Variants in VRK2 observed in about 807,000 individuals in gnomAD.
VRK2 encodes serine/threonine-protein kinase VRK2.
A neutral mutation model predicts 57.6 loss-of-function variants in VRK2; 60 were observed. The ratio of observed to expected loss-of-function variants is 1.04; its 90% CI spans 0.85 to 1.29. The LOEUF is 1.29. VRK2 is among the 50% of genes most tolerant of loss of function. The probability of loss-of-function intolerance (pLI) is 0.00; values close to 1 mark genes in which losing one functional copy is unlikely to be tolerated. For missense variants in VRK2, 705 were observed against 588.1 expected (o/e 1.20, Z -2.06); for synonymous variants, 231 against 199.2 (o/e 1.16, Z -1.35).
intron 7 of VRK2, among the ~76,000 whole-genome samples, chr2:58,113,577 G>A (rs948065241): frequency 6.6e-6 from 1 of 152,132 alleles, no homozygotes; most frequent in African/African-American, 2.4e-5. Context: ...TAGGATTTGG[G>A]AAGGTAATGG....
chr2:58,037,328 C>T (rs1465088546), intron 3 of VRK2, among the ~76,000 whole-genome samples: 1 of 152,052 alleles, frequency 6.6e-6, no homozygotes, highest in African/African-American at 2.4e-5. Context: ...AACTCTTTAT[C>T]AAGTACTCAA....
intron 1 of VRK2, among the ~76,000 whole-genome samples, chr2:58,023,330 T>C (rs1054975969): frequency 6.6e-6 from 1 of 152,242 alleles, no homozygotes; most frequent in African/African-American, 2.4e-5. Flanking sequence ...CTGAGTGATA[T>C]TCCATTGTGT....
intron 2 of VRK2, among the ~76,000 whole-genome samples, chr2:58,074,401 A>G (rs1337326135): frequency 6.6e-6 from 1 of 151,776 alleles, no homozygotes; most frequent in Non-Finnish European, 1.5e-5. Flanking sequence ...TCTGTTTTTA[A>G]TTGAGCATTT....
At chr2:58,158,716 T>A (rs1684430937) in intron 12 of VRK2, among the ~76,000 whole-genome samples, 1 of 152,174 alleles carries the variant, frequency 6.6e-6, no homozygotes, top group South Asian at 2.1e-4. Flanking sequence ...ACAGGAATGA[T>A]GAAAACATAG....
chr2:58,098,862 C>T (rs180795210), intron 7 of VRK2, among the ~76,000 whole-genome samples: 20 of 152,148 alleles, frequency 1.3e-4, no homozygotes, highest in African/African-American at 4.3e-4. Context: ...TTGTGTTAGG[C>T]ATTATGTTGT....
At chr2:57,996,139 A>G (rs908089989) in intron 1 of VRK2, among the ~76,000 whole-genome samples, 5 of 152,362 alleles carry the variant, frequency 3.3e-5, no homozygotes, top group African/African-American at 1.2e-4. Context: ...CATTTTATAC[A>G]AGGGACTTAA....
intron 3 of VRK2, chr2:58,033,646 A>G (rs555452584): frequency 2.0e-5 from 3 of 152,222 alleles, no homozygotes; most frequent in East Asian, 1.9e-4. Context: ...CTTTAGTTTC[A>G]TAAGTAAAAA....
Position 57,987,227 on chromosome 2 carries a change from C to T in VRK2, c.-438-38438C>T, listed in dbSNP as rs149982892. On this transcript the variant is annotated intron_variant, in intron 1 of 15. Coordinates refer to the VRK2 transcript ENST00000417641. ...GTGCTTATAATAAAACAACAAACCA[C>T]AAACCAAGAAAAAAATCTATGCAAA... Among the ~76,000 whole-genome samples the T allele has an allele frequency of 2.9e-4, 44 of 152,056 alleles. No individual in the cohort carries two copies. The East Asian group carries it at 8.3e-3, about 29-fold the overall frequency.
At chr2:58,083,849 C>G (rs1246382450) in intron 2 of VRK2, among the ~76,000 whole-genome samples, 1 of 151,736 alleles carries the variant, frequency 6.6e-6, no homozygotes, top group Non-Finnish European at 1.5e-5. Context: ...TGATGTCAGG[C>G]AGATTTGAGT....
Position 58,089,651 on chromosome 2 carries a change from A to C in VRK2, c.471A>C (p.Ile157=). ...GIRMLDVLEY[I]HENEYVHGDI... is the part of the protein sequence containing the mutation. The stretch of plus-strand genomic sequence containing the variant: ...CACAGTTGGATGTACTGGAATATAT[A>C]CATGAAAATGAATATGTTCATGGTG... The change falls in exon 7 of 13, where the codon ATA becomes ATC. Residue 157 remains isoleucine, a synonymous_variant. Transcript: ENST00000340157. 1.9e-6 allele frequency: 3 copies of C among 1,603,000 alleles called. No homozygotes were observed. Among genetic ancestry groups the C allele is most frequent in the Non-Finnish European group, 2.6e-6 (3 of 1,172,902 alleles).
chr2:58,009,026 G>A (rs569587681), intron 1 of VRK2, among the ~76,000 whole-genome samples: 3 of 151,998 alleles, frequency 2.0e-5, no homozygotes, highest in Admixed American at 6.6e-5. Flanking sequence ...CCTTTAATAA[G>A]GGCAACTAAT....
intron 1 of VRK2, among the ~76,000 whole-genome samples, chr2:57,996,743 T>G (rs1466362408): frequency 1.3e-5 from 2 of 152,150 alleles, no homozygotes; most frequent in Non-Finnish European, 2.9e-5. Flanking sequence ...TTTGAAAGAT[T>G]CTAAGATGTA....
chr2:58,077,325 G>T (rs1444544467), intron 2 of VRK2, among the ~76,000 whole-genome samples: 1 of 151,908 alleles, frequency 6.6e-6, no homozygotes, highest in Non-Finnish European at 1.5e-5. Flanking sequence ...CAAGTCCTCG[G>T]ATTCTTAATT....
chr2:58,156,469 G>A (rs1368246464), intron 12 of VRK2, among the ~76,000 whole-genome samples: 1 of 152,040 alleles, frequency 6.6e-6, no homozygotes, highest in Admixed American at 6.6e-5. Flanking sequence ...TTATTTCTCT[G>A]AGTTCCAAAT....
intron 2 of VRK2, among the ~76,000 whole-genome samples, chr2:58,079,678 G>C (rs894041184): frequency 6.6e-6 from 1 of 151,862 alleles, no homozygotes; most frequent in African/African-American, 2.4e-5. Flanking sequence ...GCAAAACCGT[G>C]ATTACTTTTG....
intron 12 of VRK2, 130 bp downstream of exon 12, chr2:58,146,604 A>C (rs1682177303): frequency 9.5e-7 from 1 of 1,052,734 alleles, no homozygotes; most frequent in Non-Finnish European, 1.3e-6. Flanking sequence ...GAAGGGACAG[A>C]AAATATCCTA....
intron 1 of VRK2, among the ~76,000 whole-genome samples, chr2:57,981,481 G>A (rs554756518): frequency 1.4e-3 from 214 of 152,168 alleles, no homozygotes; most frequent in Non-Finnish European, 2.1e-3. Flanking sequence ...TTTATTTCAT[G>A]TTGACTTTGG....
intron 1 of VRK2, among the ~76,000 whole-genome samples, chr2:57,954,029 A>G (rs946725492): frequency 6.6e-6 from 1 of 152,086 alleles, no homozygotes; most frequent in Non-Finnish European, 1.5e-5. Context: ...TGTCCTCCCA[A>G]CATTCCAGCA....
intron 2 of VRK2, among the ~76,000 whole-genome samples, chr2:58,066,248 C>G (rs1310165511): frequency 6.6e-6 from 1 of 152,076 alleles, no homozygotes; most frequent in East Asian, 1.9e-4. Context: ...GTTTTCATAC[C>G]TGCTCTTTAT....
Sources: allele counts gnomAD v4.1 joint callset (sites outside exome capture counted in the v4.1 genomes callset), GRCh38; gene constraint gnomAD v4.1.1; transcripts MANE v1.5; gene names NCBI Gene and HGNC (gene_info 2026-07-23, HGNC 2026-07-21).